Variants in FOLH1 observed in about 807,000 individuals in gnomAD.
FOLH1 encodes the protein folate hydrolase 1, also known as glutamate carboxypeptidase 2.
In FOLH1, 54 loss-of-function variants were observed where a neutral mutation model predicts 93.9. The ratio of observed to expected loss-of-function variants is 0.57; its 90% CI spans 0.46 to 0.72. FOLH1 has a LOEUF of 0.72. Among genes scored for constraint, FOLH1 ranks in the 30% least tolerant of loss-of-function variants. FOLH1 has a pLI of 0.00. For synonymous variants in FOLH1, 249 were observed against 303.6 expected, an observed-to-expected ratio of 0.82 and a Z score of 1.87; for missense variants, 571 against 892.5, an observed-to-expected ratio of 0.64 and a Z score of 4.59.
At chr11:49,206,778 C>T (rs560406165) in intron 1 of FOLH1, 2 of 1,535,778 alleles carry the variant, frequency 1.3e-6, no homozygotes, top group Admixed American at 3.9e-5. Flanking sequence ...TACAATTTAC[C>T]CAGCCTCTCT....
At chr11:49,167,943 C>T (rs920744699) in intron 12 of FOLH1, among the ~76,000 whole-genome samples, 5 of 100,446 alleles carry the variant, frequency 5.0e-5, no homozygotes, top group Admixed American at 9.9e-5. Flanking sequence ...AAAATGCCAA[C>T]GTGACTCCAT....
At chr11:49,167,800 G>C (rs1394536157) in intron 12 of FOLH1, among the ~76,000 whole-genome samples, 1 of 151,446 alleles carries the variant, frequency 6.6e-6, no homozygotes, top group Non-Finnish European at 1.5e-5. Flanking sequence ...TGCGGAGTGA[G>C]ACCCTGACTC....
In FOLH1 at chr11:49,157,994, C is replaced by A. The variant is rs934589148; in HGVS notation, c.1490G>T (p.Trp497Leu). 1.3e-6 allele frequency: 2 copies of A among 1,598,106 alleles called. No homozygotes were observed. The highest frequency in any genetic ancestry group is 1.7e-6 in the Non-Finnish European group (2 of 1,171,126). ...GFEGKSLYES[W>L]TKKSPSPEFS... ...CTCTGGGGAAGGACTTTTTTTAGTC[C>A]AACTTTCATAAAGAGATTTGCCTTC... is the stretch of plus-strand genomic sequence containing the variant. Residue 497 changes from tryptophan (W) to leucine (L), a missense_variant, in exon 14 of 19, where the codon TGG becomes TTG. Trp to Leu is a moderately conservative substitution (Grantham distance 61, BLOSUM62 -2). This residue lies in a region of FOLH1 where 500 missense variants were observed against 822.9 expected (regional missense o/e 0.61). Coordinates refer to ENST00000256999, the MANE Select transcript of FOLH1 (RefSeq NM_004476.3).
chr11:49,154,553 C>T, intron 15 of FOLH1, 61 bp from the exon 16 acceptor site: 1 of 1,556,482 alleles, frequency 6.4e-7, no homozygotes, highest in Non-Finnish European at 8.7e-7. Flanking sequence ...TGATTAGCAC[C>T]ATATTTACTA....
At chr11:49,174,601 A>T (rs920900277) in intron 9 of FOLH1, among the ~76,000 whole-genome samples, 3 of 152,054 alleles carry the variant, frequency 2.0e-5, no homozygotes, top group African/African-American at 7.2e-5. Context: ...AAGAAAACAC[A>T]TCTTTCCCTA....
intron 13 of FOLH1, among the ~76,000 whole-genome samples, chr11:49,163,630 T>G (rs1028649379): frequency 2.1e-4 from 32 of 151,768 alleles, no homozygotes; most frequent in African/African-American, 7.7e-4. Flanking sequence ...AGACCATCAC[T>G]GCTCAGGCCC....
At chr11:49,171,708 G>A (rs1391732758) in intron 10 of FOLH1, among the ~76,000 whole-genome samples, 1 of 151,866 alleles carries the variant, frequency 6.6e-6, no homozygotes, top group East Asian at 1.9e-4. Context: ...ATATCAGCTG[G>A]TCCGTATGAT....
chr11:49,155,747 G>A (rs1856930289), intron 15 of FOLH1, among the ~76,000 whole-genome samples: 1 of 130,902 alleles, frequency 7.6e-6, no homozygotes, highest in South Asian at 2.5e-4. Flanking sequence ...AAAACTACTT[G>A]ACATTTTATA....
chr11:49,204,207 G>A (rs1863597750), intron 2 of FOLH1, among the ~76,000 whole-genome samples: 1 of 152,136 alleles, frequency 6.6e-6, no homozygotes, highest in Non-Finnish European at 1.5e-5. Flanking sequence ...ACAGTTAAGT[G>A]GGGCACTTGG....
intron 3 of FOLH1, among the ~76,000 whole-genome samples, chr11:49,197,169 A>G (rs544246317): frequency 6.6e-6 from 1 of 152,358 alleles, no homozygotes; most frequent in South Asian, 2.1e-4. Context: ...AAGTCATTAT[A>G]TAAGCATGTC....
intron 2 of FOLH1, among the ~76,000 whole-genome samples, chr11:49,201,048 C>T (rs1863204353): frequency 6.6e-6 from 1 of 151,828 alleles, no homozygotes; most frequent in African/African-American, 2.4e-5. Context: ...ATATCTTTAA[C>T]AAAGAAATTA....
At chr11:49,208,095 C>G (rs1864172539) in intron 1 of FOLH1, 197 bp downstream of exon 1, 2 of 627,910 alleles carry the variant, frequency 3.2e-6, no homozygotes, top group South Asian at 1.9e-5. Flanking sequence ...AGCAGCTTGT[C>G]GAGAACTCAG....
At chr11:49,170,619 G>A (rs924705762) in intron 11 of FOLH1, among the ~76,000 whole-genome samples, 1 of 152,080 alleles carries the variant, frequency 6.6e-6, no homozygotes, top group African/African-American at 2.4e-5. Context: ...TGTATAGTTA[G>A]CTTTAGGAGA....
At chr11:49,191,952 C>A (rs12574928) in intron 4 of FOLH1, among the ~76,000 whole-genome samples, 2 of 152,160 alleles carry the variant, frequency 1.3e-5, no homozygotes, top group Non-Finnish European at 1.5e-5. Context: ...TGCCTGCCTC[C>A]GCACCCGGCC....
At chr11:49,155,402 T>A (rs1856897160) in intron 15 of FOLH1, among the ~76,000 whole-genome samples, 1 of 152,040 alleles carries the variant, frequency 6.6e-6, no homozygotes, top group Non-Finnish European at 1.5e-5. Context: ...GAATAGCCCA[T>A]GAGGAAAGGC....
At chr11:49,170,359 A>G (rs575530991) in intron 11 of FOLH1, among the ~76,000 whole-genome samples, 11 of 152,320 alleles carry the variant, frequency 7.2e-5, no homozygotes, top group African/African-American at 2.6e-4. Context: ...GCACGCCTGT[A>G]TTCCTAGCAC....
At chr11:49,190,070 A>C (rs1444979583) in intron 4 of FOLH1, among the ~76,000 whole-genome samples, 2 of 152,232 alleles carry the variant, frequency 1.3e-5, no homozygotes, top group Non-Finnish European at 2.9e-5. Context: ...ATTCTATTTT[A>C]ACTGTGGCTA....
intron 18 of FOLH1, among the ~76,000 whole-genome samples, chr11:49,148,118 G>A (rs1855994641): frequency 6.6e-6 from 1 of 151,650 alleles, no homozygotes; most frequent in South Asian, 2.1e-4. Flanking sequence ...ATCAACCTGG[G>A]GACAGTCAAT....
intron 16 of FOLH1, 128 bp downstream of exon 16, chr11:49,154,100 A>G: frequency 7.1e-7 from 1 of 1,403,480 alleles, no homozygotes; most frequent in Non-Finnish European, 9.6e-7. Context: ...ATACATTTAT[A>G]GACATAAACA....
Sources: allele counts gnomAD v4.1 joint callset (sites outside exome capture counted in the v4.1 genomes callset), GRCh38; gene constraint gnomAD v4.1.1; regional missense constraint gnomAD v4.1.1; transcripts MANE v1.5; gene names NCBI Gene and HGNC (gene_info 2026-07-23, HGNC 2026-07-21).